Variants in SLC4A4 observed in about 807,000 individuals in gnomAD.
The protein encoded by SLC4A4 is electrogenic sodium bicarbonate cotransporter 1.
In SLC4A4, 27 loss-of-function variants were observed where a neutral mutation model predicts 111.5. The observed-to-expected ratio is 0.24, with a 90% CI of 0.18 to 0.33. SLC4A4 has a LOEUF of 0.33. SLC4A4 is among the 10% of genes least tolerant of loss of function. The probability of loss-of-function intolerance (pLI) is 1.00; values close to 1 mark genes in which losing one functional copy is unlikely to be tolerated. For missense variants in SLC4A4, 909 were observed against 1,315.5 expected, an observed-to-expected ratio of 0.69 and a Z score of 4.78; for synonymous variants, 443 against 463.4, an observed-to-expected ratio of 0.96 and a Z score of 0.57.
At chr4:71,306,214 T>C (rs1182086656) in intron 3 of SLC4A4, among the ~76,000 whole-genome samples, 2 of 152,018 alleles carry the variant, frequency 1.3e-5, no homozygotes, top group Non-Finnish European at 2.9e-5. Flanking sequence ...TTTCAGTTTC[T>C]GTCTTTGCTA....
intron 1 of SLC4A4, among the ~76,000 whole-genome samples, chr4:71,202,136 AT>A (rs1233741402): frequency 6.6e-6 from 1 of 152,220 alleles, no homozygotes; most frequent in African/African-American, 2.4e-5. Flanking sequence ...CATATAACCA[AT>A]ACATATAGCA....
intron 1 of SLC4A4, among the ~76,000 whole-genome samples, chr4:71,232,483 C>T (rs563236902): frequency 6.6e-6 from 1 of 152,296 alleles, no homozygotes; most frequent in South Asian, 2.1e-4. Flanking sequence ...CTAATCATAG[C>T]TCACTGAAGT....
In SLC4A4 at chr4:71,081,697, T is replaced by C. The variant is rs554048515; in HGVS notation, c.-64-11033T>C. ...AGCCAGAACTACCATTTGGAACTGATCTAGTTGGAACTCTGATGTTGCATC... is the reference window on the plus strand; with the variant it reads ...AGCCAGAACTACCATTTGGAACTGACCTAGTTGGAACTCTGATGTTGCATC... On this transcript the variant is annotated intron_variant, in intron 1 of 26. Coordinates refer to the SLC4A4 transcript ENST00000649996. Among the ~76,000 whole-genome samples the C allele has an allele frequency of 1.1e-3, 161 of 152,256 alleles. 6 individuals carry two copies. Among genetic ancestry groups the C allele is most frequent in the African/African-American group, 3.7e-3 (152 of 41,482 alleles).
intron 1 of SLC4A4, among the ~76,000 whole-genome samples, chr4:71,092,317 A>G (rs35356859): frequency 0.092 from 13,943 of 152,178 alleles, 795 homozygotes; most frequent in African/African-American, 0.16. Flanking sequence ...CTCTCTTTTT[A>G]TATTTCACTA....
intron 7 of SLC4A4, among the ~76,000 whole-genome samples, chr4:71,401,653 G>A (rs1720373600): frequency 6.6e-6 from 1 of 152,160 alleles, no homozygotes; most frequent in African/African-American, 2.4e-5. Flanking sequence ...GTTTTCATGT[G>A]AATATGGCTT....
At chr4:71,129,472 C>G (rs990476071) in intron 2 of SLC4A4, among the ~76,000 whole-genome samples, 1 of 152,080 alleles carries the variant, frequency 6.6e-6, no homozygotes, top group Non-Finnish European at 1.5e-5. Context: ...AAATAACATG[C>G]TGGCAAGGTT....
chr4:71,462,211 A>C lies in SLC4A4; in HGVS notation c.1498-4233A>C, dbSNP rs989724308. Among the ~76,000 whole-genome samples, 24 of 152,256 alleles carry C rather than the reference A, an allele frequency of 1.6e-4. No homozygotes were observed. In the East Asian group the frequency reaches 2.3e-3, roughly 15 times the overall value. On this transcript the variant is annotated intron_variant, in intron 12 of 25. Transcript: ENST00000264485. ...TGAGACTCTGTTCTTAGCTCTTTACATATTATTCTTTCATTTTATCCAAAT... is the reference window on the plus strand; with the variant it reads ...TGAGACTCTGTTCTTAGCTCTTTACCTATTATTCTTTCATTTTATCCAAAT...
At chr4:71,413,574 T>C (rs963448005) in intron 7 of SLC4A4, among the ~76,000 whole-genome samples, 1 of 152,240 alleles carries the variant, frequency 6.6e-6, no homozygotes, top group African/African-American at 2.4e-5. Context: ...ATTTAAGCAC[T>C]TTCCCTCAAT....
chr4:71,270,915 T>G (rs1299021798), intron 3 of SLC4A4, among the ~76,000 whole-genome samples: 1 of 152,208 alleles, frequency 6.6e-6, no homozygotes, highest in South Asian at 2.1e-4. Flanking sequence ...CAAATTAGCT[T>G]GAGATACTTA....
At chr4:71,536,542 G>T (rs1734517671) in intron 18 of SLC4A4, among the ~76,000 whole-genome samples, 1 of 139,248 alleles carries the variant, frequency 7.2e-6, no homozygotes, top group South Asian at 2.3e-4. Flanking sequence ...TGTCACCCAG[G>T]CTGGAGTGCA....
chr4:71,485,225 A>G (rs757861577), intron 14 of SLC4A4, among the ~76,000 whole-genome samples: 7 of 151,714 alleles, frequency 4.6e-5, no homozygotes, highest in Non-Finnish European at 8.8e-5. Context: ...CAAGTTTTCA[A>G]TGCTTCCAAG....
chr4:71,537,029 G>A (rs915906402), intron 18 of SLC4A4, among the ~76,000 whole-genome samples: 1 of 150,366 alleles, frequency 6.7e-6, no homozygotes, highest in African/African-American at 2.5e-5. Flanking sequence ...TTCTTACCAC[G>A]ATCTACAGCT....
chr4:71,218,277 A>ATGT (rs1718549595), intron 1 of SLC4A4, among the ~76,000 whole-genome samples: 3 of 152,180 alleles, frequency 2.0e-5, no homozygotes, highest in Non-Finnish European at 4.4e-5. Flanking sequence ...ATGCGTATGT[A>ATGT]ATTTCTTCTT....
At chr4:71,186,745 GA>G (rs961847550), upstream of SLC4A4, 1 of 152,128 alleles carries the variant, frequency 6.6e-6, no homozygotes, top group Non-Finnish European at 1.5e-5. Context: ...TTTAAATATG[GA>G]TCGCAGGCTC....
At position 71,485,776 on chromosome 4, in the gene SLC4A4, C is replaced by T. The variant is rs548510150; in HGVS notation, c.1904-1172C>T. Among the ~76,000 whole-genome samples the T allele has an allele frequency of 1.2e-3, 189 of 151,538 alleles. 1 individual carries two copies. The highest frequency in any genetic ancestry group is 5.2e-3 in the South Asian group (25 of 4,822). On this transcript the variant is annotated intron_variant, in intron 14 of 25. Transcript: ENST00000264485. ...TTTTCTTCCCCAATTTATCTGCTCTCATTCATTTTTAGTCATGAAATGCCC... is the reference window on the plus strand; with the variant it reads ...TTTTCTTCCCCAATTTATCTGCTCTTATTCATTTTTAGTCATGAAATGCCC...
At chr4:71,376,369 T>A (rs921507851) in intron 6 of SLC4A4, among the ~76,000 whole-genome samples, 2 of 150,436 alleles carry the variant, frequency 1.3e-5, no homozygotes, top group African/African-American at 4.9e-5. Context: ...GCCTGGCTAA[T>A]TTTTTTGTTA....
chr4:71,442,614 G>T (rs1647108324), intron 8 of SLC4A4, among the ~76,000 whole-genome samples: 1 of 152,174 alleles, frequency 6.6e-6, no homozygotes. Flanking sequence ...GTGAAGGACT[G>T]CATGTACATT....
intron 3 of SLC4A4, among the ~76,000 whole-genome samples, chr4:71,336,404 T>C (rs1462262370): frequency 6.6e-6 from 1 of 152,238 alleles, no homozygotes; most frequent in East Asian, 1.9e-4. Flanking sequence ...TCTCTTGTTG[T>C]TAGCTATAAA....
At chr4:71,400,667 A>G (rs988028365) in intron 7 of SLC4A4, among the ~76,000 whole-genome samples, 16 of 152,170 alleles carry the variant, frequency 1.1e-4, no homozygotes, top group African/African-American at 3.9e-4. Flanking sequence ...TCTCTTCTAC[A>G]ACCAAAGGTA....
Sources: allele counts gnomAD v4.1 joint callset (sites outside exome capture counted in the v4.1 genomes callset), GRCh38; gene constraint gnomAD v4.1.1; transcripts MANE v1.5; gene names NCBI Gene and HGNC (gene_info 2026-07-23, HGNC 2026-07-21).